IQCH: variants seen among roughly 807,000 people sequenced by gnomAD.
IQCH encodes IQ motif containing H.
IQCH carries 98 observed loss-of-function variants against 117.0 expected under a neutral mutation model. The ratio of observed to expected loss-of-function variants is 0.84; its 90% CI spans 0.71 to 0.99. The LOEUF (loss-of-function observed/expected upper bound fraction) is 0.99, where lower values mean the gene tolerates loss of function less well. Ranked by LOEUF, IQCH falls within the 50% of genes least tolerant of loss-of-function variation. IQCH has a pLI of 0.00. For synonymous variants in IQCH, 412 were observed against 448.2 expected (o/e 0.92, Z 1.02); for missense variants, 1,102 against 1,243.8 (o/e 0.89, Z 1.72).
chr15:67,293,588 A>G (rs1004234887), intron 4 of IQCH, among the ~76,000 whole-genome samples: 3 of 152,216 alleles, frequency 2.0e-5, no homozygotes, highest in Non-Finnish European at 4.4e-5. Context: ...GTACAGATAC[A>G]TTTTTTAAAA....
chr15:67,446,150 G>A (rs2082385725), intron 16 of IQCH, among the ~76,000 whole-genome samples: 1 of 152,108 alleles, frequency 6.6e-6, no homozygotes, highest in Non-Finnish European at 1.5e-5. Flanking sequence ...CAAAGAATAT[G>A]TTATCCCAGA....
intron 4 of IQCH, among the ~76,000 whole-genome samples, chr15:67,315,463 C>T (rs1369119151): frequency 1.3e-5 from 2 of 152,104 alleles, no homozygotes; most frequent in Non-Finnish European, 2.9e-5. Context: ...TTAATAGCTA[C>T]TATCTGCTTG....
At position 67,493,667 on chromosome 15, in the gene IQCH, T is replaced by A. The variant is rs1018175886; in HGVS notation, c.2862-591T>A. ...CTAAAGTAACTTAAACCATTTTTTT[T>A]AATTATTATACTTTAAGTTATAGGG... On this transcript the variant is annotated intron_variant, in intron 19 of 20. Coordinates refer to ENST00000335894, the MANE Select transcript of IQCH (RefSeq NM_001031715.3). This position sits in a 1 kb window ranked among gnomAD's most constrained non-coding sequence, Gnocchi z 5.1. Among the ~76,000 whole-genome samples, 18 of 152,212 alleles carry A rather than the reference T, an allele frequency of 1.2e-4. No homozygotes were observed. The highest frequency in any genetic ancestry group is 4.1e-4 in the South Asian group (2 of 4,832).
chr15:67,388,980 A>C lies in IQCH; in HGVS notation c.1606A>C (p.Thr536Pro). ...SDLQDRFKII[T>P]PEAVNIFPKH... ...CCTGCAGGACAGGTTCAAAATTATC[A>C]CACCTGAAGCTGTAAACATCTTCCC... The change falls in exon 12 of 21, where the codon ACA (threonine) becomes CCA (proline). Residue 536 changes from threonine to proline, a missense_variant. By Grantham distance (38) the Thr-to-Pro change is conservative (BLOSUM62 -1). Coordinates refer to ENST00000335894, the MANE Select transcript of IQCH (RefSeq NM_001031715.3). The surrounding 1 kb of genome is among the most constrained non-coding windows in gnomAD (Gnocchi z 5.5). 6.2e-7 allele frequency: 1 copy of C among 1,613,800 alleles called. No homozygotes were observed.
chr15:67,378,258 C>T (rs1335924260), intron 10 of IQCH, among the ~76,000 whole-genome samples: 7 of 151,940 alleles, frequency 4.6e-5, no homozygotes, highest in Non-Finnish European at 8.8e-5. Context: ...TTTCTGCTTT[C>T]TCTACTATGA....
rs1292675676 is a variant in IQCH, at chr15:67,466,373, T to G, written c.2676+1076T>G. On this transcript the variant is annotated intron_variant, in intron 17 of 20. Coordinates refer to ENST00000335894, the MANE Select transcript of IQCH (RefSeq NM_001031715.3). The surrounding 1 kb of genome is among the most constrained non-coding windows in gnomAD (Gnocchi z 4.4). The stretch of plus-strand genomic sequence containing the variant: ...CCAGAGGGTTTCTTTGGCCTTTCCT[T>G]ACAACAGTGGGCTTCATACTTTTTT... The G allele has an allele frequency of 6.6e-6, 1 of 152,226 alleles. No individual in the cohort carries two copies. The highest frequency in any genetic ancestry group is 1.5e-5 in the Non-Finnish European group (1 of 68,042). 9.4% of individuals were successfully genotyped at this position (152,226 alleles called of 1,614,324 possible).
rs1438987376 is a variant in IQCH, at chr15:67,359,789, T to C, written c.715-58T>C. 8.9e-6 allele frequency: 13 copies of C among 1,457,462 alleles called. No homozygotes were observed. In the Admixed American group the frequency reaches 1.5e-4, roughly 17 times the overall value. 90.3% of individuals were successfully genotyped at this position (1,457,462 alleles called of 1,614,324 possible). A position where few individuals can be genotyped will look rare whatever the true frequency, so the allele number is the denominator to read the frequency against. On this transcript the variant is annotated intron_variant, in intron 7 of 20. Coordinates refer to ENST00000335894, the MANE Select transcript of IQCH (RefSeq NM_001031715.3). The surrounding 1 kb of genome is among the most constrained non-coding windows in gnomAD (Gnocchi z 4.5). ...GAGGCTCTGAGCCTTCTATTTGTTT[T>C]GTAAAATTGCCCATGAGAGTCGTTT...
rs113644563 is a variant in IQCH at position 67,291,146 on chromosome 15, A to G, written c.387+11634A>G. On this transcript the variant is annotated intron_variant, in intron 4 of 20. Coordinates refer to ENST00000335894, the MANE Select transcript of IQCH (RefSeq NM_001031715.3). ...AACTGTCTCATTCTAGACAATACCT[A>G]TTGTTCAGCTTGGATACCTACCTTG... Among the ~76,000 whole-genome samples, 978 of 152,246 alleles carry G rather than the reference A, an allele frequency of 6.4e-3. 9 individuals are homozygous for G. Among genetic ancestry groups the G allele is most frequent in the African/African-American group, 0.021 (852 of 41,542 alleles).
chr15:67,336,970 T>A lies in IQCH; in HGVS notation c.388-5T>A. On this transcript the variant is annotated splice_polypyrimidine_tract_variant and splice_region_variant and intron_variant, in intron 4 of 20. Transcript: ENST00000335894. ...GTTTGCTGAAACAAATTTTTTATTA[T>A]CTAGATAAAGGTTTCGAAGTTAATC... 6 of 1,612,130 alleles carry A rather than the reference T, an allele frequency of 3.7e-6. No homozygotes were observed. The highest frequency in any genetic ancestry group is 5.1e-6 in the Non-Finnish European group (6 of 1,179,212).
rs190146692 is a variant in IQCH, at chr15:67,294,832, C to G, written c.387+15320C>G. On this transcript the variant is annotated intron_variant, in intron 4 of 20. Transcript: ENST00000335894. ...TGATTCAGTGGTTCAGCACCATGGT[C>G]TCTTTCTTGCAAACATCCTTATCCA... Among the ~76,000 whole-genome samples the G allele has an allele frequency of 5.3e-5, 8 of 152,302 alleles. No individual in the cohort carries two copies. In the East Asian group the frequency reaches 1.4e-3, roughly 26 times the overall value.
At position 67,401,515 on chromosome 15, in the gene IQCH, C is replaced by T. The variant is rs958709051; in HGVS notation, c.2097+1210C>T. On this transcript the variant is annotated intron_variant, in intron 14 of 20. Transcript: ENST00000335894. This position sits in a 1 kb window ranked among gnomAD's most constrained non-coding sequence, Gnocchi z 4.7. ...TGATTTGCGTCTGCTTTGAGCATCCCGCTACGGAAGTATATGAATCAAGAC... is the reference window on the plus strand; with the variant it reads ...TGATTTGCGTCTGCTTTGAGCATCCTGCTACGGAAGTATATGAATCAAGAC... 4.2e-4 allele frequency among the ~76,000 whole-genome samples: 63 copies of T among 151,570 alleles called. No individual in the cohort carries two copies. The highest frequency in any genetic ancestry group is 1.5e-3 in the African/African-American group (60 of 41,368).
intron 4 of IQCH, among the ~76,000 whole-genome samples, chr15:67,302,320 GA>G (rs1282659977): frequency 7.9e-5 from 12 of 152,070 alleles, no homozygotes; most frequent in Admixed American, 2.6e-4. Context: ...GTTTAAGAAG[GA>G]AAAAATTATG....
rs2082650414 is a variant in IQCH at position 67,456,069 on chromosome 15, A to T, written c.2506-9058A>T. On this transcript the variant is annotated intron_variant, in intron 16 of 20. Transcript: ENST00000335894. This position sits in a 1 kb window ranked among gnomAD's most constrained non-coding sequence, Gnocchi z 5.1. Reference sequence around the variant, plus strand: ...CATTGGTCTTGAAAGTAATAGAGGGAGGGTCATAAATGCATGGAGGCTGCA... The same window carrying T: ...CATTGGTCTTGAAAGTAATAGAGGGTGGGTCATAAATGCATGGAGGCTGCA... Among the ~76,000 whole-genome samples, 1 of 152,180 alleles carries T rather than the reference A, an allele frequency of 6.6e-6. No homozygotes were observed. The highest frequency in any genetic ancestry group is 2.1e-4 in the South Asian group (1 of 4,822).
chr15:67,461,141 C>T (rs1184384095), intron 16 of IQCH, among the ~76,000 whole-genome samples: 1 of 152,044 alleles, frequency 6.6e-6, no homozygotes, highest in Non-Finnish European at 1.5e-5. Flanking sequence ...TTTGGGAGGT[C>T]GAGGTGGGTG....
At chr15:67,344,416 C>T (rs373846818) in intron 6 of IQCH, among the ~76,000 whole-genome samples, 1 of 152,084 alleles carries the variant, frequency 6.6e-6, no homozygotes, top group Non-Finnish European at 1.5e-5. Flanking sequence ...ATTCTTCTGG[C>T]GTACTTTTAA....
chr15:67,465,120 T>C lies in IQCH; in HGVS notation c.2506-7T>C. On this transcript the variant is annotated splice_polypyrimidine_tract_variant and splice_region_variant and intron_variant, in intron 16 of 20. Transcript: ENST00000335894. This position sits in a 1 kb window ranked among gnomAD's most constrained non-coding sequence, Gnocchi z 5.9. ...ACCCTCACTTCTACGGCTCCTGTTT[T>C]AATCAGGTGTGGGCAACCGGCCTTA... The C allele has an allele frequency of 6.2e-7, 1 of 1,612,820 alleles. No homozygotes were observed. The highest frequency in any genetic ancestry group is 8.5e-7 in the Non-Finnish European group (1 of 1,179,278).
chr15:67,272,957 G>C (rs966764579), intron 3 of IQCH, among the ~76,000 whole-genome samples: 18 of 151,852 alleles, frequency 1.2e-4, no homozygotes, highest in African/African-American at 4.4e-4. Flanking sequence ...TTTATTGCTT[G>C]TTTTCTGGTT....
chr15:67,423,155 T>A (rs2081792661), intron 16 of IQCH, among the ~76,000 whole-genome samples: 1 of 152,144 alleles, frequency 6.6e-6, no homozygotes, highest in African/African-American at 2.4e-5. Context: ...TGAAGGTCAT[T>A]CAGAACTCTC....
At chr15:67,478,694 G>C (rs991893432) in intron 18 of IQCH, among the ~76,000 whole-genome samples, 1 of 152,022 alleles carries the variant, frequency 6.6e-6, no homozygotes, top group Admixed American at 6.5e-5. Flanking sequence ...GGGAGGCCAG[G>C]GCGGGCAGAT....
Sources: gnomAD v4.1 joint callset for allele counts (sites outside exome capture counted in the v4.1 genomes callset) on GRCh38, gnomAD v4.1.1 for gene constraint, Gnocchi (gnomAD v3.1) non-coding constraint, MANE v1.5 for transcripts, NCBI Gene and HGNC (gene_info 2026-07-23, HGNC 2026-07-21) for gene names.